NFYC: variants seen among roughly 807,000 people sequenced by gnomAD.
The protein encoded by NFYC is nuclear transcription factor Y subunit gamma.
NFYC carries 25 observed loss-of-function variants against 53.1 expected under a neutral mutation model. The ratio of observed to expected loss-of-function variants is 0.47; its 90% CI spans 0.34 to 0.66. The LOEUF is 0.66. NFYC is among the 30% of genes least tolerant of loss of function. The pLI is 0.01. For missense variants in NFYC, 260 were observed against 422.7 expected (o/e 0.62, Z 3.38); for synonymous variants, 145 against 152.6 (o/e 0.95, Z 0.37).
At chr1:40,705,213 G>A (rs1643637297) in intron 1 of NFYC, among the ~76,000 whole-genome samples, 1 of 152,220 alleles carries the variant, frequency 6.6e-6, no homozygotes, top group African/African-American at 2.4e-5. Context: ...TGCCTTCCAA[G>A]TGCTTAGTTG....
At chr1:40,704,474 G>C (rs1040626741) in intron 1 of NFYC, among the ~76,000 whole-genome samples, 2 of 152,184 alleles carry the variant, frequency 1.3e-5, no homozygotes, top group African/African-American at 4.8e-5. Flanking sequence ...TAGAGATTCT[G>C]TTAGGTTCTC....
intron 1 of NFYC, among the ~76,000 whole-genome samples, chr1:40,703,490 A>AAAAAAAAAAAAAAAAC (rs1432515329): frequency 2.6e-5 from 4 of 151,136 alleles, no homozygotes; most frequent in Non-Finnish European, 5.9e-5. Flanking sequence ...TAAAAAAAAA[A>AAAAAAAAAAAAAAAAC]AAAAGAATAT....
intron 2 of NFYC, among the ~76,000 whole-genome samples, chr1:40,747,256 A>C (rs1261190926): frequency 3.3e-5 from 5 of 151,606 alleles, no homozygotes; most frequent in South Asian, 2.1e-4. Context: ...AAAAAAAAAA[A>C]AAACAGATAT....
At chr1:40,715,113 T>TAAATA (rs142127233) in intron 1 of NFYC, among the ~76,000 whole-genome samples, 3 of 132,708 alleles carry the variant, frequency 2.3e-5, no homozygotes, top group East Asian at 4.8e-4. Flanking sequence ...AATAAATAAA[T>TAAATA]AATAATTTGG....
At chr1:40,694,585 C>G (rs1024884129) in intron 1 of NFYC, among the ~76,000 whole-genome samples, 3 of 152,100 alleles carry the variant, frequency 2.0e-5, no homozygotes, top group African/African-American at 7.2e-5. Flanking sequence ...TGCTGTAGAT[C>G]TATAACTTAG....
At chr1:40,691,912 C>A in intron 1 of NFYC, 45 bp downstream of exon 1, 1 of 341,160 alleles carries the variant, frequency 2.9e-6, no homozygotes, top group South Asian at 2.0e-5. Flanking sequence ...GATAGGGAAG[C>A]GGCGGCGGGG....
intron 5 of NFYC, among the ~76,000 whole-genome samples, chr1:40,756,481 T>C (rs1223646144): frequency 1.3e-5 from 2 of 152,224 alleles, no homozygotes; most frequent in East Asian, 1.9e-4. Context: ...GCTGGGTAGA[T>C]GGCTGTCAAG....
chr1:40,762,461 A>G (rs985824628), intron 6 of NFYC, among the ~76,000 whole-genome samples: 4 of 152,222 alleles, frequency 2.6e-5, no homozygotes, highest in African/African-American at 9.6e-5. Context: ...CCTGAACTAA[A>G]TAAATTCATA....
chr1:40,716,939 AC>A (rs1644157424), intron 1 of NFYC, among the ~76,000 whole-genome samples: 1 of 143,954 alleles, frequency 6.9e-6, no homozygotes, highest in Non-Finnish European at 1.5e-5. Flanking sequence ...GAGGATAGAA[AC>A]AGAAATTTAG....
At chr1:40,747,926 C>T (rs1284124034) in intron 3 of NFYC, among the ~76,000 whole-genome samples, 1 of 151,462 alleles carries the variant, frequency 6.6e-6, no homozygotes, top group East Asian at 1.9e-4. Flanking sequence ...ACCTCTGCCT[C>T]CCAGGTTCAG....
intron 1 of NFYC, among the ~76,000 whole-genome samples, chr1:40,714,949 G>A (rs1158200983): frequency 2.6e-5 from 4 of 151,920 alleles, no homozygotes; most frequent in African/African-American, 4.8e-5. Flanking sequence ...GTGTGGTGGC[G>A]GGCGCCTGTA....
chr1:40,759,534 TCAAAAAAAAAA>T (rs1646420074), intron 6 of NFYC, among the ~76,000 whole-genome samples: 1 of 148,426 alleles, frequency 6.7e-6, no homozygotes, highest in South Asian at 2.2e-4. Context: ...AGATCCTGTC[TCAAAAAAAAAA>T]CAAAAAAAAG....
At chr1:40,694,948 T>G (rs1343839137) in intron 1 of NFYC, among the ~76,000 whole-genome samples, 1 of 152,250 alleles carries the variant, frequency 6.6e-6, no homozygotes, top group East Asian at 1.9e-4. Context: ...TACACATTTT[T>G]TTCTTTGGTC....
intron 1 of NFYC, among the ~76,000 whole-genome samples, chr1:40,702,000 C>G (rs1490323920): frequency 6.6e-6 from 1 of 152,136 alleles, no homozygotes; most frequent in Admixed American, 6.5e-5. Context: ...GTTGCCTTTA[C>G]ACATCCCTGT....
At chr1:40,701,074 T>G (rs1643411243) in intron 1 of NFYC, among the ~76,000 whole-genome samples, 4 of 152,340 alleles carry the variant, frequency 2.6e-5, no homozygotes, top group Admixed American at 2.6e-4. Context: ...AAAGTTTTAG[T>G]ATATTAGCTT....
At chr1:40,739,780 G>T (rs4660449) in intron 2 of NFYC, among the ~76,000 whole-genome samples, 32,568 of 152,190 alleles carry the variant, frequency 0.21, 4,127 homozygotes, top group South Asian at 0.41. Flanking sequence ...AGGACATAGT[G>T]CTTGATTCTT....
At chr1:40,760,898 G>A (rs926706152) in intron 6 of NFYC, among the ~76,000 whole-genome samples, 4 of 152,128 alleles carry the variant, frequency 2.6e-5, no homozygotes, top group Admixed American at 2.0e-4. Context: ...ATGCCTAAGG[G>A]ACCTTCTTTG....
In NFYC at chr1:40,770,526, GCTGGTGCCTC is replaced by G; in HGVS notation, c.889-179_889-170del. ...CACCACACACCCCCCCTCACACCGG[GCTGGTGCCTC>G]CTGTGTCTGCTGCTCCCAACCCCAG... is the stretch of plus-strand genomic sequence containing the variant. On this transcript the variant is annotated intron_variant, in intron 9 of 9. Coordinates refer to ENST00000447388, the MANE Select transcript of NFYC (RefSeq NM_014223.5). This position sits in a 1 kb window ranked among gnomAD's most constrained non-coding sequence, Gnocchi z 5.3. 6.4e-7 allele frequency: 1 copy of G among 1,561,918 alleles called. No homozygotes were observed. Among genetic ancestry groups the G allele is most frequent in the Non-Finnish European group, 8.7e-7 (1 of 1,152,934 alleles).
intron 1 of NFYC, among the ~76,000 whole-genome samples, chr1:40,710,476 G>T (rs569610973): frequency 9.9e-5 from 15 of 152,268 alleles, no homozygotes; most frequent in South Asian, 2.1e-4. Flanking sequence ...TCAGTAACCA[G>T]CCAGTTCTCA....
Sources: gnomAD v4.1 joint callset for allele counts (sites outside exome capture counted in the v4.1 genomes callset) on GRCh38, gnomAD v4.1.1 for gene constraint, Gnocchi (gnomAD v3.1) non-coding constraint, MANE v1.5 for transcripts, NCBI Gene and HGNC (gene_info 2026-07-23, HGNC 2026-07-21) for gene names.